The following TLE4 variants were observed in gnomAD, a reference collection of about 807,000 sequenced individuals.
TLE4 encodes the protein TLE family member 4, transcriptional corepressor.
A neutral mutation model predicts 92.8 loss-of-function variants in TLE4; 8 were observed. The observed-to-expected ratio is 0.09, with a 90% CI of 0.05 to 0.16. The LOEUF is 0.16. TLE4 is among the 10% of genes least tolerant of loss of function. The pLI is 1.00. For missense variants in TLE4, 675 were observed against 997.6 expected, an observed-to-expected ratio of 0.68 and a Z score of 4.36; for synonymous variants, 371 against 374.1, an observed-to-expected ratio of 0.99 and a Z score of 0.10.
intron 6 of TLE4, among the ~76,000 whole-genome samples, chr9:79,646,249 C>T (rs2058088867): frequency 6.6e-6 from 1 of 152,050 alleles, no homozygotes; most frequent in African/African-American, 2.4e-5. Flanking sequence ...AATATCTTTG[C>T]AGGTTAATTG....
chr9:79,584,643 A>G (rs1458094035), intron 4 of TLE4, among the ~76,000 whole-genome samples: 1 of 152,234 alleles, frequency 6.6e-6, no homozygotes, highest in African/African-American at 2.4e-5. Flanking sequence ...AATAGCAGTT[A>G]GAGCTAGCCA....
At chr9:79,639,251 C>G (rs1260523757) in intron 6 of TLE4, among the ~76,000 whole-genome samples, 1 of 151,880 alleles carries the variant, frequency 6.6e-6, no homozygotes, top group Non-Finnish European at 1.5e-5. Flanking sequence ...AATAAAAATT[C>G]CTTTAAAAAA....
Position 79,608,946 on chromosome 9 carries a change from A to G in TLE4, c.253-3710A>G, listed in dbSNP as rs776533709. 2.0e-4 allele frequency among the ~76,000 whole-genome samples: 30 copies of G among 152,206 alleles called. No homozygotes were observed. In the Middle Eastern group the frequency reaches 0.01, roughly 52 times the overall value. ...ATCAGATTTTTATTGTATCAGGTCT[A>G]TTTCAGGGAATGTAGTTAAATTCAG... is the stretch of plus-strand genomic sequence containing the variant. On this transcript the variant is annotated intron_variant, in intron 4 of 19. Coordinates refer to ENST00000376552, the MANE Select transcript of TLE4 (RefSeq NM_007005.6).
chr9:79,572,082 G>C lies in TLE4; in HGVS notation c.-709G>C, dbSNP rs2035992432. On this transcript the variant is annotated 5_prime_UTR_variant, in exon 1 of 20. Transcript: ENST00000376552. ...GGTGTTCGCAGAGTTTGAAAGGAGAGAGAATTAAAAAAAAAAGCCGCAAGC... is the reference window on the plus strand; with the variant it reads ...GGTGTTCGCAGAGTTTGAAAGGAGACAGAATTAAAAAAAAAAGCCGCAAGC... 1 of 150,554 alleles carries C rather than the reference G, an allele frequency of 6.6e-6. No individual in the cohort carries two copies. The highest frequency in any genetic ancestry group is 1.5e-5 in the Non-Finnish European group (1 of 67,738). 9.3% of individuals were successfully genotyped at this position (150,554 alleles called of 1,614,324 possible). A position where few individuals can be genotyped will look rare whatever the true frequency, so the allele number is the denominator to read the frequency against.
intron 4 of TLE4, among the ~76,000 whole-genome samples, chr9:79,590,264 G>A (rs1356618026): frequency 1.3e-5 from 2 of 152,182 alleles, no homozygotes; most frequent in African/African-American, 4.8e-5. Flanking sequence ...GCTAGGGGAA[G>A]ACAAAACACT....
intron 4 of TLE4, among the ~76,000 whole-genome samples, chr9:79,596,613 G>A (rs1460816576): frequency 6.7e-6 from 1 of 148,548 alleles, no homozygotes; most frequent in Non-Finnish European, 1.5e-5. Flanking sequence ...ATTAGTAAGG[G>A]ATGCTTTCTT....
intron 4 of TLE4, among the ~76,000 whole-genome samples, chr9:79,610,344 G>T (rs1165415891): frequency 6.6e-6 from 1 of 152,070 alleles, no homozygotes; most frequent in Non-Finnish European, 1.5e-5. Context: ...GCCATTAGAA[G>T]TGTGTGTCCA....
chr9:79,664,418 C>T (rs1033331717), intron 8 of TLE4, among the ~76,000 whole-genome samples: 19 of 152,134 alleles, frequency 1.2e-4, no homozygotes, highest in African/African-American at 4.3e-4. Context: ...ATTCCACATC[C>T]TTGGCCCAGC....
Position 79,599,932 on chromosome 9 carries a change from C to G in TLE4, c.253-12724C>G, listed in dbSNP as rs1443451230. ...TCCTCTTTATATACTTGTATGTTTG[C>G]TTCTGTCTCCCTCCACCTATGATGT... On this transcript the variant is annotated intron_variant, in intron 4 of 19. Coordinates refer to ENST00000376552, the MANE Select transcript of TLE4 (RefSeq NM_007005.6). Among the ~76,000 whole-genome samples, 4 of 152,284 alleles carry G rather than the reference C, an allele frequency of 2.6e-5. No homozygotes were observed. The East Asian group carries it at 7.7e-4, about 29-fold the overall frequency.
chr9:79,603,015 A>G (rs181976831), intron 4 of TLE4, among the ~76,000 whole-genome samples: 166 of 152,236 alleles, frequency 1.1e-3, no homozygotes, highest in African/African-American at 3.5e-3. Context: ...TTGGGGGTGG[A>G]CCTTGAAGAT....
chr9:79,686,018 C>T (rs1186769602), intron 8 of TLE4, among the ~76,000 whole-genome samples: 1 of 151,990 alleles, frequency 6.6e-6, no homozygotes, highest in Non-Finnish European at 1.5e-5. Context: ...ACAGCATGTA[C>T]ATTATATTAT....
intron 9 of TLE4, among the ~76,000 whole-genome samples, chr9:79,705,650 T>A (rs572372489): frequency 7.9e-5 from 12 of 152,340 alleles, no homozygotes; most frequent in African/African-American, 2.6e-4. Context: ...CTGAAAAATG[T>A]AATCAGGTCA....
chr9:79,705,204 G>A (rs893656747), intron 9 of TLE4, among the ~76,000 whole-genome samples: 6 of 152,138 alleles, frequency 3.9e-5, no homozygotes, highest in African/African-American at 1.4e-4. Context: ...GATTTTCTGT[G>A]GTTAGCTGGA....
chr9:79,720,687 T>C (rs1245660712), intron 16 of TLE4, among the ~76,000 whole-genome samples: 1 of 152,152 alleles, frequency 6.6e-6, no homozygotes, highest in Non-Finnish European at 1.5e-5. Flanking sequence ...CTGTGCTTGC[T>C]AACAAACGAT....
chr9:79,698,784 G>T (rs966621450), intron 8 of TLE4, among the ~76,000 whole-genome samples: 1 of 151,516 alleles, frequency 6.6e-6, no homozygotes, highest in Non-Finnish European at 1.5e-5. Context: ...TAGTATGTGA[G>T]ACTTGTGCAT....
chr9:79,586,089 T>C (rs1406994227), intron 4 of TLE4, among the ~76,000 whole-genome samples: 1 of 142,356 alleles, frequency 7.0e-6, no homozygotes, highest in African/African-American at 2.6e-5. Flanking sequence ...ATTAGAAAAC[T>C]TAGGCTGGGC....
intron 16 of TLE4, 61 bp downstream of exon 16, chr9:79,720,354 A>G (rs1424004743): frequency 3.9e-6 from 6 of 1,555,536 alleles, no homozygotes; most frequent in Non-Finnish European, 5.2e-6. Context: ...ATATTTTGCC[A>G]AAGTGCTGTG....
At chr9:79,683,203 AT>A (rs2065095113) in intron 8 of TLE4, among the ~76,000 whole-genome samples, 1 of 152,154 alleles carries the variant, frequency 6.6e-6, no homozygotes, top group Non-Finnish European at 1.5e-5. Flanking sequence ...TACTGCTCCT[AT>A]TTTTAAGATT....
chr9:79,713,673 A>G, intron 14 of TLE4, among the ~76,000 whole-genome samples: 1 of 152,146 alleles, frequency 6.6e-6, no homozygotes, highest in Non-Finnish European at 1.5e-5. Flanking sequence ...AACTACAAGT[A>G]CCATGTTTCT....
Sources: gnomAD v4.1 joint callset for allele counts (sites outside exome capture counted in the v4.1 genomes callset) on GRCh38, gnomAD v4.1.1 for gene constraint, MANE v1.5 for transcripts, NCBI Gene and HGNC (gene_info 2026-07-23, HGNC 2026-07-21) for gene names.